The following TMEM178B variants were observed in gnomAD, a reference collection of about 807,000 sequenced individuals.
TMEM178B encodes transmembrane protein 178B.
Under a neutral mutation model 31.0 loss-of-function variants are expected in TMEM178B, and 5 were observed. That is an observed-to-expected ratio of 0.16 (90% CI 0.08 to 0.34). The LOEUF (loss-of-function observed/expected upper bound fraction) is 0.34, where lower values mean the gene tolerates loss of function less well. Among genes scored for constraint, TMEM178B ranks in the 10% least tolerant of loss-of-function variants. TMEM178B has a pLI of 1.00. For synonymous variants in TMEM178B, 164 were observed against 164.0 expected (o/e 1.00, Z 0.00); for missense variants, 275 against 400.3 (o/e 0.69, Z 2.67).
intron 3 of TMEM178B, among the ~76,000 whole-genome samples, chr7:141,463,961 AT>A (rs1222380247): frequency 6.6e-6 from 1 of 152,174 alleles, no homozygotes; most frequent in Non-Finnish European, 1.5e-5. Context: ...AATCTGATTA[AT>A]TTTTTTAAAT....
chr7:141,151,636 T>C (rs1018713187), intron 1 of TMEM178B, among the ~76,000 whole-genome samples: 8 of 152,114 alleles, frequency 5.3e-5, no homozygotes, highest in Non-Finnish European at 8.8e-5. Context: ...GATATAGTTC[T>C]CTCTCTGCAC....
intron 1 of TMEM178B, among the ~76,000 whole-genome samples, chr7:141,207,969 C>T (rs1430866185): frequency 6.6e-6 from 1 of 151,986 alleles, no homozygotes; most frequent in South Asian, 2.1e-4. Flanking sequence ...GTGGGCAGAT[C>T]GCTTGAGCCT....
chr7:141,504,530 G>T, the TMEM178B span, among the ~76,000 whole-genome samples: 1 of 152,176 alleles, frequency 6.6e-6, no homozygotes, highest in African/African-American at 2.4e-5. Flanking sequence ...GTGTTCGTAG[G>T]TTTGATGTCT....
chr7:141,272,908 A>T (rs1037186382), intron 2 of TMEM178B, among the ~76,000 whole-genome samples: 2 of 152,226 alleles, frequency 1.3e-5, no homozygotes, highest in African/African-American at 4.8e-5. Flanking sequence ...TGTCAAAGAG[A>T]TATCCACACT....
intron 2 of TMEM178B, among the ~76,000 whole-genome samples, chr7:141,284,059 C>T (rs967806293): frequency 6.6e-6 from 1 of 152,204 alleles, no homozygotes; most frequent in Admixed American, 6.5e-5. Context: ...CTTATTAAGG[C>T]TTGGTGTTCT....
chr7:141,390,630 A>G lies in TMEM178B; in HGVS notation c.497-46978A>G, dbSNP rs972897833. 3.3e-5 allele frequency among the ~76,000 whole-genome samples: 5 copies of G among 152,312 alleles called. No individual in the cohort carries two copies. The South Asian group carries it at 1.0e-3, about 32-fold the overall frequency. On this transcript the variant is annotated intron_variant, in intron 2 of 3. Transcript: ENST00000565468. ...CGTTTTCAAAGCCAGAAATTCTCAA[A>G]CTACCTGCCCCGTTCTGACACGACA...
intron 1 of TMEM178B, among the ~76,000 whole-genome samples, chr7:141,168,122 A>T (rs182421182): frequency 5.0e-4 from 76 of 152,278 alleles, no homozygotes; most frequent in African/African-American, 1.8e-3. Flanking sequence ...CGGGAATCTG[A>T]GTCCCATAGT....
At chr7:141,289,093 A>C (rs1470227591) in intron 2 of TMEM178B, among the ~76,000 whole-genome samples, 6 of 152,192 alleles carry the variant, frequency 3.9e-5, no homozygotes. Context: ...TCCCTGCTTA[A>C]AAATCTTCAA....
chr7:141,232,202 G>A (rs535867361), intron 2 of TMEM178B, among the ~76,000 whole-genome samples: 2 of 152,222 alleles, frequency 1.3e-5, no homozygotes, highest in East Asian at 3.9e-4. Flanking sequence ...TCTTTATCCA[G>A]TCTATTATTG....
chr7:141,118,513 A>G (rs1456088541), intron 1 of TMEM178B, among the ~76,000 whole-genome samples: 1 of 152,230 alleles, frequency 6.6e-6, no homozygotes, highest in South Asian at 2.1e-4. Flanking sequence ...AGCGTATAGT[A>G]AGTGGTATAC....
downstream of TMEM178B, among the ~76,000 whole-genome samples, chr7:141,483,870 G>A (rs1250888013): frequency 6.6e-6 from 1 of 151,928 alleles, no homozygotes; most frequent in Non-Finnish European, 1.5e-5. Context: ...CGAGTAGCTG[G>A]GATTCCAGGT....
At chr7:141,272,629 C>G (rs1438756827) in intron 2 of TMEM178B, among the ~76,000 whole-genome samples, 1 of 152,200 alleles carries the variant, frequency 6.6e-6, no homozygotes, top group Non-Finnish European at 1.5e-5. Context: ...GTAGGCACAA[C>G]CTCTTTCCTG....
intron 1 of TMEM178B, among the ~76,000 whole-genome samples, chr7:141,090,250 A>T (rs1418398201): frequency 7.9e-6 from 1 of 126,882 alleles, no homozygotes; most frequent in Non-Finnish European, 1.7e-5. Flanking sequence ...CAATGGTGCA[A>T]TCATAGCTCA....
intron 2 of TMEM178B, among the ~76,000 whole-genome samples, chr7:141,387,835 T>C (rs1372898503): frequency 2.0e-5 from 3 of 152,190 alleles, no homozygotes; most frequent in Non-Finnish European, 4.4e-5. Context: ...TGCTCTGTTC[T>C]TCTGTCACAG....
chr7:141,445,264 C>T (rs1801732198), intron 3 of TMEM178B, among the ~76,000 whole-genome samples: 1 of 152,196 alleles, frequency 6.6e-6, no homozygotes, highest in Non-Finnish European at 1.5e-5. Context: ...CAGCATAACA[C>T]TCTTCTGCTG....
chr7:141,277,727 G>A (rs1396396344), intron 2 of TMEM178B, among the ~76,000 whole-genome samples: 1 of 152,148 alleles, frequency 6.6e-6, no homozygotes, highest in Admixed American at 6.5e-5. Context: ...GTGTATGTAT[G>A]GAGGGGCAGC....
At chr7:141,302,526 G>T (rs1302720156) in intron 2 of TMEM178B, among the ~76,000 whole-genome samples, 1 of 152,168 alleles carries the variant, frequency 6.6e-6, no homozygotes, top group Non-Finnish European at 1.5e-5. Context: ...TGTTTAATGG[G>T]TACAGAGTTT....
At chr7:141,247,987 G>A (rs1173587662) in intron 2 of TMEM178B, among the ~76,000 whole-genome samples, 2 of 151,656 alleles carry the variant, frequency 1.3e-5, no homozygotes, top group African/African-American at 4.9e-5. Context: ...CCCCTGTCAC[G>A]TGTCACTCAA....
chr7:141,195,090 G>A lies in TMEM178B; in HGVS notation c.383-17501G>A, dbSNP rs539761041. 1.3e-3 allele frequency among the ~76,000 whole-genome samples: 194 copies of A among 152,314 alleles called. 1 individual carries two copies. Among genetic ancestry groups the A allele is most frequent in the Non-Finnish European group, 2.3e-3 (159 of 68,024 alleles). ...TGGGCCTCCAGGCCTGTGATGGGAG[G>A]GGCTGCCATGAAGATCTCTGACATG... On this transcript the variant is annotated intron_variant, in intron 1 of 3. Coordinates refer to ENST00000565468, the MANE Select transcript of TMEM178B (RefSeq NM_001195278.2).
Sources: gnomAD v4.1 joint callset for allele counts (sites outside exome capture counted in the v4.1 genomes callset) on GRCh38, gnomAD v4.1.1 for gene constraint, MANE v1.5 for transcripts, NCBI Gene and HGNC (gene_info 2026-07-23, HGNC 2026-07-21) for gene names.